The following AMPH variants were observed in gnomAD, a reference collection of about 807,000 sequenced individuals.
AMPH encodes the protein amphiphysin (Stiff-Mann syndrome with breast cancer 128kD autoantigen).
In AMPH, 49 loss-of-function variants were observed where a neutral mutation model predicts 99.1. The observed-to-expected ratio is 0.49, with a 90% CI of 0.39 to 0.63. The LOEUF (loss-of-function observed/expected upper bound fraction) is 0.63. AMPH is among the 20% of genes least tolerant of loss of function. The probability of loss-of-function intolerance (pLI) is 0.00; values close to 1 mark genes in which losing one functional copy is unlikely to be tolerated. For missense variants in AMPH, 759 were observed against 863.4 expected (o/e 0.88, Z 1.52); for synonymous variants, 314 against 317.3 (o/e 0.99, Z 0.11).
intron 1 of AMPH, among the ~76,000 whole-genome samples, chr7:38,627,961 CA>C (rs1443538734): frequency 2.0e-5 from 3 of 152,102 alleles, no homozygotes; most frequent in Admixed American, 6.6e-5. Context: ...AGAAACCAGA[CA>C]AAACCAACCA....
At position 38,590,948 on chromosome 7, in the gene AMPH, C is replaced by T. The variant is rs576373210; in HGVS notation, c.69+40335G>A. 5.9e-5 allele frequency among the ~76,000 whole-genome samples: 9 copies of T among 152,166 alleles called. No individual in the cohort carries two copies. In the South Asian group the frequency reaches 8.3e-4, roughly 14 times the overall value. On this transcript the variant is annotated intron_variant, in intron 1 of 20. Coordinates refer to ENST00000356264, the MANE Select transcript of AMPH (RefSeq NM_001635.4). ...GTAAGATATAATTTTATATTATAAG[C>T]GATTTCAAAATGTTACTAAATTAAT...
At chr7:38,588,722 C>CG (rs901422042) in intron 1 of AMPH, among the ~76,000 whole-genome samples, 1 of 151,726 alleles carries the variant, frequency 6.6e-6, no homozygotes, top group African/African-American at 2.4e-5. Flanking sequence ...AAAAGATAAT[C>CG]GGGGGGAAAA....
chr7:38,616,135 A>G (rs899981375), intron 1 of AMPH, among the ~76,000 whole-genome samples: 6 of 152,202 alleles, frequency 3.9e-5, no homozygotes, highest in African/African-American at 1.4e-4. Flanking sequence ...CACCATGTGT[A>G]CATCTCCTCT....
chr7:38,403,141 A>G (rs1784888733), intron 17 of AMPH, among the ~76,000 whole-genome samples: 1 of 152,172 alleles, frequency 6.6e-6, no homozygotes, highest in African/African-American at 2.4e-5. Flanking sequence ...ACGAGTGGCC[A>G]TGATCTGAAT....
At chr7:38,580,199 G>C (rs1262254006) in intron 1 of AMPH, among the ~76,000 whole-genome samples, 3 of 152,074 alleles carry the variant, frequency 2.0e-5, no homozygotes, top group Non-Finnish European at 4.4e-5. Context: ...TTGGAGGCCA[G>C]AGGAAAGATG....
At chr7:38,451,937 G>T (rs939949998) in intron 11 of AMPH, among the ~76,000 whole-genome samples, 7 of 152,018 alleles carry the variant, frequency 4.6e-5, no homozygotes, top group Non-Finnish European at 8.8e-5. Context: ...TAAACCATTG[G>T]GTCATAACCA....
intron 2 of AMPH, among the ~76,000 whole-genome samples, chr7:38,524,289 AG>A (rs984837063): frequency 1.3e-5 from 2 of 152,230 alleles, no homozygotes; most frequent in African/African-American, 4.8e-5. Flanking sequence ...CTCTTCCAAC[AG>A]AGTTAGTTTA....
chr7:38,589,210 C>G (rs1792769223), intron 1 of AMPH, among the ~76,000 whole-genome samples: 1 of 152,084 alleles, frequency 6.6e-6, no homozygotes, highest in South Asian at 2.1e-4. Context: ...CAAGTGTGAG[C>G]AGAACACTTC....
intron 1 of AMPH, among the ~76,000 whole-genome samples, chr7:38,593,181 A>G (rs12701638): frequency 0.13 from 20,514 of 152,248 alleles, 1,871 homozygotes; most frequent in Admixed American, 0.24. Flanking sequence ...TTTTATAGGC[A>G]AGAAACCATA....
At chr7:38,395,832 A>T (rs1300118952) in intron 17 of AMPH, among the ~76,000 whole-genome samples, 1 of 151,888 alleles carries the variant, frequency 6.6e-6, no homozygotes, top group Non-Finnish European at 1.5e-5. Context: ...GGAGATGAAG[A>T]ACATGAACCA....
chr7:38,428,984 C>A (rs1267294571), intron 14 of AMPH: 1 of 1,286,032 alleles, frequency 7.8e-7, no homozygotes, highest in South Asian at 1.2e-5. Flanking sequence ...TGTTTCCTGT[C>A]CTTTCACATG....
At chr7:38,451,652 A>C (rs919120103) in intron 11 of AMPH, among the ~76,000 whole-genome samples, 1 of 152,140 alleles carries the variant, frequency 6.6e-6, no homozygotes, top group African/African-American at 2.4e-5. Flanking sequence ...AAACATGCCG[A>C]TGTAAACTGT....
intron 5 of AMPH, among the ~76,000 whole-genome samples, chr7:38,488,637 T>G (rs1788605622): frequency 6.6e-6 from 1 of 152,106 alleles, no homozygotes; most frequent in Admixed American, 6.6e-5. Context: ...ACCTGCACAT[T>G]CTGCACATGC....
chr7:38,624,056 G>T (rs1314488970), intron 1 of AMPH, among the ~76,000 whole-genome samples: 1 of 152,140 alleles, frequency 6.6e-6, no homozygotes, highest in African/African-American at 2.4e-5. Context: ...AAATGACGAT[G>T]AAACCCTTAT....
intron 2 of AMPH, chr7:38,531,407 T>C (rs909043768): frequency 2.0e-5 from 3 of 152,156 alleles, no homozygotes; most frequent in African/African-American, 7.2e-5. Context: ...GGGAGTCCAA[T>C]GGACAAAACA....
chr7:38,411,398 G>A (rs1161456100), intron 17 of AMPH, among the ~76,000 whole-genome samples: 2 of 152,184 alleles, frequency 1.3e-5, no homozygotes, highest in Non-Finnish European at 2.9e-5. Flanking sequence ...AACTTGCTGG[G>A]GAAAAGGAAG....
At chr7:38,500,084 T>C (rs1224878204) in intron 3 of AMPH, among the ~76,000 whole-genome samples, 2 of 152,208 alleles carry the variant, frequency 1.3e-5, no homozygotes, top group African/African-American at 4.8e-5. Flanking sequence ...CACAGGCATA[T>C]ACCTTGTTTT....
chr7:38,480,568 T>C (rs1788249065), intron 5 of AMPH, among the ~76,000 whole-genome samples: 2 of 152,112 alleles, frequency 1.3e-5, no homozygotes, highest in African/African-American at 4.8e-5. Context: ...GCAGTTAACC[T>C]CTTTGGCTAT....
At chr7:38,604,405 C>G (rs1231416919) in intron 1 of AMPH, among the ~76,000 whole-genome samples, 1 of 152,204 alleles carries the variant, frequency 6.6e-6, no homozygotes, top group Non-Finnish European at 1.5e-5. Context: ...GCAAGCCCAG[C>G]ATGTCTGTGG....
Sources: gnomAD v4.1 joint callset for allele counts (sites outside exome capture counted in the v4.1 genomes callset) on GRCh38, gnomAD v4.1.1 for gene constraint, MANE v1.5 for transcripts, NCBI Gene and HGNC (gene_info 2026-07-23, HGNC 2026-07-21) for gene names.